The following STEAP1B variants were observed in gnomAD, a reference collection of about 807,000 sequenced individuals.
STEAP1B encodes the protein STEAP family protein MGC87042.
STEAP1B carries 13 observed loss-of-function variants against 27.9 expected under a neutral mutation model. The observed-to-expected ratio is 0.47, with a 90% confidence interval of 0.30 to 0.74. The LOEUF (loss-of-function observed/expected upper bound fraction) is 0.74, where lower values mean the gene tolerates loss of function less well. Ranked by LOEUF, STEAP1B falls within the 30% of genes least tolerant of loss-of-function variation. STEAP1B has a pLI of 0.06. For synonymous variants in STEAP1B, 86 were observed against 107.1 expected (o/e 0.80, Z 1.22); for missense variants, 250 against 298.7 (o/e 0.84, Z 1.20).
intron 4 of STEAP1B, among the ~76,000 whole-genome samples, chr7:22,438,930 C>T (rs114583582): frequency 0.031 from 4,773 of 151,882 alleles, 248 homozygotes; most frequent in African/African-American, 0.11. Flanking sequence ...TAAATGTTTT[C>T]AGCAGCAGCT....
intron 4 of STEAP1B, among the ~76,000 whole-genome samples, chr7:22,440,135 A>G (rs113952376): frequency 1.3e-3 from 195 of 152,278 alleles, no homozygotes; most frequent in African/African-American, 4.5e-3. Context: ...ATGAATTACA[A>G]TTATCTAAAA....
chr7:22,430,644 T>C (rs779563728), intron 4 of STEAP1B, among the ~76,000 whole-genome samples: 2 of 152,214 alleles, frequency 1.3e-5, no homozygotes, highest in African/African-American at 2.4e-5. Flanking sequence ...AGAGTCATGA[T>C]GGCTAATGCT....
At chr7:22,455,975 A>G (rs1056789213) in intron 4 of STEAP1B, among the ~76,000 whole-genome samples, 8 of 152,098 alleles carry the variant, frequency 5.3e-5, no homozygotes, top group Non-Finnish European at 1.2e-4. Context: ...GTGAAACCCC[A>G]TCTCTACTAA....
At chr7:22,465,977 A>C (rs1785772779) in intron 4 of STEAP1B, among the ~76,000 whole-genome samples, 1 of 152,130 alleles carries the variant, frequency 6.6e-6, no homozygotes, top group Admixed American at 6.5e-5. Context: ...TGGGGCTCAG[A>C]CACTTATCAT....
chr7:22,477,416 T>C (rs1440434369), intron 4 of STEAP1B, among the ~76,000 whole-genome samples: 1 of 152,162 alleles, frequency 6.6e-6, no homozygotes, highest in Non-Finnish European at 1.5e-5. Flanking sequence ...ACATCCAGCC[T>C]GACAAATACA....
At chr7:22,443,595 C>A (rs1169464294) in intron 4 of STEAP1B, among the ~76,000 whole-genome samples, 2 of 152,174 alleles carry the variant, frequency 1.3e-5, no homozygotes, top group African/African-American at 4.8e-5. Flanking sequence ...ACAAAGATCT[C>A]CAATTACAAG....
chr7:22,473,919 T>G (rs1785929123), intron 4 of STEAP1B, among the ~76,000 whole-genome samples: 1 of 152,186 alleles, frequency 6.6e-6, no homozygotes, highest in Non-Finnish European at 1.5e-5. Flanking sequence ...GACTGACTAG[T>G]GCCCATCCCC....
intron 4 of STEAP1B, among the ~76,000 whole-genome samples, chr7:22,490,194 G>C (rs1454595966): frequency 1.3e-5 from 2 of 151,646 alleles, no homozygotes; most frequent in African/African-American, 4.8e-5. Flanking sequence ...TTAAAAAACT[G>C]ACAATTATAT....
Position 22,493,500 on chromosome 7 carries a change from C to G in STEAP1B, c.421G>C (p.Val141Leu), listed in dbSNP as rs200585731. 80,410 of 1,491,368 alleles carry G rather than the reference C, an allele frequency of 0.054. 6,764 individuals are homozygous for G. Among genetic ancestry groups the G allele is most frequent in the African/African-American group, 0.11 (8,036 of 70,994 alleles). The allele number at this position is 1,491,368 out of a possible 1,614,324, so 92.4% of individuals were successfully genotyped here. ...LPGVIAAIVQ[V>L]HNGTKYKKFP... ...TTCTTATACTTGGTTCCATTATGAA[C>G]TTGGACAATTGCTGCTATCACACCT... The change falls in exon 3 of 5, where the codon GTT (valine) becomes CTT (leucine). Residue 141 changes from valine to leucine, a missense_variant. Physicochemically the swap from Val to Leu is conservative, Grantham distance 32. Transcript: ENST00000678116.
intron 4 of STEAP1B, among the ~76,000 whole-genome samples, chr7:22,440,242 G>T (rs1332150341): frequency 6.6e-6 from 1 of 152,160 alleles, no homozygotes; most frequent in African/African-American, 2.4e-5. Flanking sequence ...ATGCTACCTT[G>T]ACTTGTGGGA....
At chr7:22,465,771 A>C (rs542902430) in intron 4 of STEAP1B, among the ~76,000 whole-genome samples, 2 of 152,326 alleles carry the variant, frequency 1.3e-5, no homozygotes, top group African/African-American at 4.8e-5. Context: ...CAGGCTGGAC[A>C]GGAGAACCGC....
chr7:22,455,542 G>A (rs746206531), intron 4 of STEAP1B, among the ~76,000 whole-genome samples: 5 of 152,092 alleles, frequency 3.3e-5, no homozygotes, highest in East Asian at 1.9e-4. Flanking sequence ...TAGCAAACTC[G>A]TTAAAGTCCA....
chr7:22,453,259 A>G (rs1228777937), intron 4 of STEAP1B, among the ~76,000 whole-genome samples: 1 of 152,204 alleles, frequency 6.6e-6, no homozygotes, highest in Non-Finnish European at 1.5e-5. Flanking sequence ...AGCCTTCTGA[A>G]AGGTCTCATG....
At chr7:22,430,954 C>T (rs1446349112) in intron 4 of STEAP1B, among the ~76,000 whole-genome samples, 3 of 152,220 alleles carry the variant, frequency 2.0e-5, no homozygotes, top group South Asian at 4.1e-4. Flanking sequence ...GCTTTAGTCT[C>T]CCTGTCACTG....
intron 4 of STEAP1B, among the ~76,000 whole-genome samples, chr7:22,437,096 T>G (rs1295924938): frequency 6.6e-6 from 1 of 152,210 alleles, no homozygotes; most frequent in Non-Finnish European, 1.5e-5. Flanking sequence ...TTTTGCAAAC[T>G]GTATAGCTGA....
At chr7:22,449,288 C>T (rs1785451605) in intron 4 of STEAP1B, among the ~76,000 whole-genome samples, 1 of 152,196 alleles carries the variant, frequency 6.6e-6, no homozygotes, top group South Asian at 2.1e-4. Context: ...TGATCTCCAT[C>T]CCAAACACTA....
At chr7:22,495,058 T>A (rs1460292355) in intron 1 of STEAP1B, among the ~76,000 whole-genome samples, 172 bp from the exon 2 acceptor site, 2 of 152,350 alleles carry the variant, frequency 1.3e-5, no homozygotes, top group African/African-American at 4.8e-5. Context: ...ATCTGTAAGT[T>A]TCAAACCAAT....
At chr7:22,484,724 T>A (rs1349850494) in intron 4 of STEAP1B, among the ~76,000 whole-genome samples, 1 of 152,220 alleles carries the variant, frequency 6.6e-6, no homozygotes, top group Non-Finnish European at 1.5e-5. Context: ...CTGGGCAAAG[T>A]CAATTGAGAA....
chr7:22,492,735 A>G lies in STEAP1B; in HGVS notation c.598-6T>C. ...TCTTCTTTATTTTGTTGGACCTACC[A>G]GAAGGTAAATAAAGAAAGAAGAAAT... On this transcript the variant is annotated splice_polypyrimidine_tract_variant and splice_region_variant and intron_variant, in intron 3 of 4. Coordinates refer to ENST00000678116, the MANE Select transcript of STEAP1B (RefSeq NM_001382447.1). 6.3e-7 allele frequency: 1 copy of G among 1,581,166 alleles called. No homozygotes were observed. The highest frequency in any genetic ancestry group is 8.6e-7 in the Non-Finnish European group (1 of 1,168,514).
Sources: gnomAD v4.1 joint callset for allele counts (sites outside exome capture counted in the v4.1 genomes callset) on GRCh38, gnomAD v4.1.1 for gene constraint, MANE v1.5 for transcripts, NCBI Gene and HGNC (gene_info 2026-07-23, HGNC 2026-07-21) for gene names.